Variants in NPEPPS observed in about 807,000 individuals in gnomAD.
NPEPPS encodes puromycin-sensitive aminopeptidase.
A neutral mutation model predicts 115.5 loss-of-function variants in NPEPPS; 14 were observed. The ratio of observed to expected loss-of-function variants is 0.12; its 90% CI spans 0.08 to 0.19. NPEPPS has a LOEUF of 0.19. Among genes scored for constraint, NPEPPS ranks in the 10% least tolerant of loss-of-function variants. The pLI is 1.00. For missense variants in NPEPPS, 523 were observed against 1,110.8 expected (o/e 0.47, Z 7.52); for synonymous variants, 285 against 390.6 (o/e 0.73, Z 3.19).
intron 1 of NPEPPS, among the ~76,000 whole-genome samples, chr17:47,532,583 G>A (rs1301491426): frequency 6.7e-6 from 1 of 149,996 alleles, no homozygotes; most frequent in East Asian, 2.0e-4. Flanking sequence ...AACCCGGGGG[G>A]CAGAGGTTGC....
rs186016765 is a variant in NPEPPS, at chr17:47,546,790, T to C, written c.340+797T>C. Among the ~76,000 whole-genome samples the C allele has an allele frequency of 3.0e-3, 450 of 152,218 alleles. 4 individuals carry two copies. The highest frequency in any genetic ancestry group is 0.01 in the African/African-American group (431 of 41,530). ...CCTGATCTCAGGTGATCTGCCTGCC[T>C]CCCAAAGTGCTGGGATTACAGATGT... On this transcript the variant is annotated intron_variant, in intron 2 of 22. Coordinates refer to ENST00000322157, the MANE Select transcript of NPEPPS (RefSeq NM_006310.4).
chr17:47,548,293 A>G (rs1044590840), intron 2 of NPEPPS: 1 of 152,214 alleles, frequency 6.6e-6, no homozygotes, highest in African/African-American at 2.4e-5. Flanking sequence ...CTTCAAATGG[A>G]CTTGAGTGAG....
At chr17:47,610,453 G>A (rs1017139431) in intron 17 of NPEPPS, among the ~76,000 whole-genome samples, 21 of 151,158 alleles carry the variant, frequency 1.4e-4, no homozygotes, top group African/African-American at 3.9e-4. Context: ...GTGCGATCTC[G>A]GCTCACTGCA....
intron 2 of NPEPPS, among the ~76,000 whole-genome samples, chr17:47,565,402 G>C (rs1054843504): frequency 1.3e-5 from 2 of 151,510 alleles, no homozygotes; most frequent in Admixed American, 1.3e-4. Context: ...CCAGCTACTC[G>C]GGAGGCTGAG....
intron 19 of NPEPPS, among the ~76,000 whole-genome samples, chr17:47,616,176 G>A (rs954331997): frequency 6.6e-6 from 1 of 152,140 alleles, no homozygotes; most frequent in African/African-American, 2.4e-5. Context: ...GAAGGACTTA[G>A]TCAAGATCAC....
At chr17:47,547,186 A>G (rs1305300979) in intron 2 of NPEPPS, among the ~76,000 whole-genome samples, 6 of 152,200 alleles carry the variant, frequency 3.9e-5, no homozygotes, top group African/African-American at 2.4e-5. Context: ...GTGGAACTCC[A>G]TTAGTGTCTA....
Position 47,606,511 on chromosome 17 carries a change from G to A in NPEPPS, c.2095+959G>A, listed in dbSNP as rs141006900. Among the ~76,000 whole-genome samples the A allele has an allele frequency of 2.8e-3, 422 of 151,134 alleles. 4 individuals are homozygous for A. The highest frequency in any genetic ancestry group is 9.9e-3 in the African/African-American group (407 of 41,124). ...TCACTCTTGTCACCCAGGCTGGAAC[G>A]CAGTGGCGCCATCTCGGTTCACTGC... On this transcript the variant is annotated intron_variant, in intron 17 of 22. Transcript: ENST00000322157.
At chr17:47,562,605 A>AGTGTGTGTGT in intron 2 of NPEPPS, among the ~76,000 whole-genome samples, 1 of 109,728 alleles carries the variant, frequency 9.1e-6, no homozygotes, top group African/African-American at 2.9e-5. Flanking sequence ...TTTTTGATGC[A>AGTGTGTGTGT]GAGTGTGTGT....
At chr17:47,546,079 A>T (rs1443608397) in intron 2 of NPEPPS, 86 bp downstream of exon 2, 270 of 1,310,686 alleles carry the variant, frequency 2.1e-4, no homozygotes, top group African/African-American at 6.3e-4. Flanking sequence ...TGTGTGAGAG[A>T]GAGAGAGAGA....
chr17:47,601,891 G>C (rs776055460), intron 15 of NPEPPS, 144 bp downstream of exon 15: 1 of 784,930 alleles, frequency 1.3e-6, no homozygotes, highest in Non-Finnish European at 2.0e-6. Context: ...TTTTCATATA[G>C]TATTGTCCAG....
intron 2 of NPEPPS, among the ~76,000 whole-genome samples, chr17:47,548,927 T>C (rs1490764241): frequency 1.3e-5 from 2 of 152,136 alleles, no homozygotes; most frequent in Non-Finnish European, 2.9e-5. Context: ...CTCATAATGA[T>C]CTGTATCTCA....
At chr17:47,618,795 G>A (rs1567874880) in intron 20 of NPEPPS, among the ~76,000 whole-genome samples, 1 of 152,232 alleles carries the variant, frequency 6.6e-6, no homozygotes, top group Non-Finnish European at 1.5e-5. Context: ...TGAGCAGTCT[G>A]TCTGTCTGAA....
intron 1 of NPEPPS, among the ~76,000 whole-genome samples, chr17:47,525,055 A>G (rs538917456): frequency 1.3e-5 from 2 of 152,006 alleles, no homozygotes; most frequent in African/African-American, 4.8e-5. Flanking sequence ...TTCCTTCTGA[A>G]GCACCATGGA....
chr17:47,524,555 C>T (rs145732569), intron 1 of NPEPPS, among the ~76,000 whole-genome samples: 7 of 151,380 alleles, frequency 4.6e-5, no homozygotes, highest in Non-Finnish European at 8.8e-5. Flanking sequence ...AGTGCAGTGG[C>T]GCGATCTTGG....
intron 1 of NPEPPS, among the ~76,000 whole-genome samples, chr17:47,532,426 C>T (rs1421878712): frequency 1.3e-5 from 2 of 151,962 alleles, no homozygotes; most frequent in Admixed American, 1.3e-4. Flanking sequence ...GAGGCTGAGG[C>T]GGGCGCACTT....
intron 2 of NPEPPS, among the ~76,000 whole-genome samples, chr17:47,546,405 G>A (rs1461131313): frequency 2.0e-5 from 3 of 152,038 alleles, no homozygotes; most frequent in Non-Finnish European, 2.9e-5. Flanking sequence ...CAGCCTGTGC[G>A]ACAGAGTGAG....
chr17:47,580,445 A>G (rs956065718), intron 4 of NPEPPS: 5 of 152,048 alleles, frequency 3.3e-5, no homozygotes, highest in Non-Finnish European at 5.9e-5. Flanking sequence ...GTAATTCCTG[A>G]GCCTTTGCTT....
intron 13 of NPEPPS, 105 bp from the exon 14 acceptor site, chr17:47,599,571 G>A (rs1013961066): frequency 1.5e-5 from 12 of 817,936 alleles, no homozygotes; most frequent in South Asian, 4.8e-5. Context: ...GGTTGTGCTC[G>A]TTCCAGCATT....
chr17:47,542,432 G>A (rs1298218248), intron 1 of NPEPPS, among the ~76,000 whole-genome samples: 1 of 151,710 alleles, frequency 6.6e-6, no homozygotes, highest in Non-Finnish European at 1.5e-5. Flanking sequence ...TGTAATCCCA[G>A]CTACTAGGGA....
Sources: allele counts gnomAD v4.1 joint callset (sites outside exome capture counted in the v4.1 genomes callset), GRCh38; gene constraint gnomAD v4.1.1; transcripts MANE v1.5; gene names NCBI Gene and HGNC (gene_info 2026-07-23, HGNC 2026-07-21).